Variants in CACNA1C observed in about 807,000 individuals in gnomAD.
CACNA1C encodes the protein voltage-dependent L-type calcium channel subunit alpha-1C.
CACNA1C carries 30 observed loss-of-function variants against 229.0 expected under a neutral mutation model. The ratio of observed to expected loss-of-function variants is 0.13; its 90% CI spans 0.10 to 0.18. The LOEUF is 0.18. Ranked by LOEUF, CACNA1C falls within the 10% of genes least tolerant of loss-of-function variation. CACNA1C has a pLI of 1.00. For missense variants in CACNA1C, 1,658 were observed against 2,845.0 expected (o/e 0.58, Z 9.49); for synonymous variants, 1,114 against 1,132.5 (o/e 0.98, Z 0.33).
chr12:2,466,775 G>A (rs10848659), intron 5 of CACNA1C, among the ~76,000 whole-genome samples: 52,649 of 151,838 alleles, frequency 0.35, 10,467 homozygotes, highest in East Asian at 0.69. Flanking sequence ...TGCATCTGGG[G>A]CTTGAAGGGC....
At chr12:2,468,782 A>T (rs2099574247) in intron 5 of CACNA1C, among the ~76,000 whole-genome samples, 1 of 152,208 alleles carries the variant, frequency 6.6e-6, no homozygotes, top group African/African-American at 2.4e-5. Flanking sequence ...CGGTGAGGAG[A>T]CCAGGGATCT....
At chr12:2,377,401 C>A (rs893196820) in intron 3 of CACNA1C, among the ~76,000 whole-genome samples, 9 of 152,192 alleles carry the variant, frequency 5.9e-5, no homozygotes, top group Non-Finnish European at 1.3e-4. Context: ...CACCCAGCTG[C>A]AACAGCGCTG....
chr12:1,980,225 C>A (rs771224498), intron 1 of CACNA1C, among the ~76,000 whole-genome samples: 1 of 152,052 alleles, frequency 6.6e-6, no homozygotes, highest in African/African-American at 2.4e-5. Flanking sequence ...AAGTATCTAT[C>A]GATAGGAGAA....
At chr12:2,095,874 T>C (rs2073721741) in intron 1 of CACNA1C, among the ~76,000 whole-genome samples, 2 of 152,242 alleles carry the variant, frequency 1.3e-5, no homozygotes, top group South Asian at 4.1e-4. Context: ...TGTGCTTCTC[T>C]CTGCCTTGGT....
intron 9 of CACNA1C, among the ~76,000 whole-genome samples, chr12:2,519,904 T>G (rs1568187728): frequency 1.3e-5 from 2 of 152,204 alleles, no homozygotes; most frequent in Non-Finnish European, 2.9e-5. Flanking sequence ...GCCCCGTAAG[T>G]GTACAAATGC....
intron 3 of CACNA1C, among the ~76,000 whole-genome samples, chr12:2,163,000 A>C (rs779539029): frequency 6.6e-6 from 1 of 152,014 alleles, no homozygotes; most frequent in African/African-American, 2.4e-5. Context: ...GGAGTTCGAG[A>C]CCAGCCTGAC....
intron 3 of CACNA1C, among the ~76,000 whole-genome samples, chr12:2,426,949 T>C (rs374303935): frequency 1.3e-5 from 2 of 152,354 alleles, no homozygotes; most frequent in African/African-American, 4.8e-5. Context: ...CCATATTCTT[T>C]TGGTCAAAGC....
chr12:2,437,877 TGGTGGC>T (rs1366820966), intron 3 of CACNA1C, among the ~76,000 whole-genome samples: 7 of 149,574 alleles, frequency 4.7e-5, no homozygotes, highest in African/African-American at 1.5e-4. Flanking sequence ...GTGGTAATGG[TGGTGGC>T]GGTGGTGATG....
At chr12:2,004,775 T>C in intron 1 of CACNA1C, 3 of 269,686 alleles carry the variant, frequency 1.1e-5, no homozygotes, top group Non-Finnish European at 1.4e-5. Context: ...CCCCTTGGCA[T>C]ATCTTTTCTT....
intron 1 of CACNA1C, among the ~76,000 whole-genome samples, chr12:2,104,799 C>T (rs1325823449): frequency 2.0e-5 from 3 of 152,178 alleles, no homozygotes; most frequent in South Asian, 2.1e-4. Context: ...TGCTGATAGG[C>T]GCCTTAGTTC....
chr12:2,648,610 C>A, intron 31 of CACNA1C, 103 bp downstream of exon 31: 2 of 978,106 alleles, frequency 2.0e-6, no homozygotes, highest in Non-Finnish European at 3.3e-6. Flanking sequence ...CCCTGCCTGG[C>A]TCTCACTGCA....
At chr12:2,670,222 C>T (rs2096483500) in intron 38 of CACNA1C, among the ~76,000 whole-genome samples, 1 of 152,128 alleles carries the variant, frequency 6.6e-6, no homozygotes, top group South Asian at 2.1e-4. Context: ...AAGCAGTATG[C>T]TTCCTTCCCC....
At chr12:2,039,136 G>T (rs1459202351) in intron 1 of CACNA1C, among the ~76,000 whole-genome samples, 1 of 152,168 alleles carries the variant, frequency 6.6e-6, no homozygotes, top group Non-Finnish European at 1.5e-5. Flanking sequence ...AGACAAATAA[G>T]AGCTGAAACT....
At chr12:2,212,818 A>C (rs1259309672) in intron 3 of CACNA1C, among the ~76,000 whole-genome samples, 1 of 152,166 alleles carries the variant, frequency 6.6e-6, no homozygotes, top group Non-Finnish European at 1.5e-5. Context: ...TGGAGCTTAC[A>C]GTCTGGTGGG....
chr12:2,362,463 C>A (rs1319159930), intron 3 of CACNA1C, among the ~76,000 whole-genome samples: 1 of 152,152 alleles, frequency 6.6e-6, no homozygotes, highest in Non-Finnish European at 1.5e-5. Flanking sequence ...AGTCCTTCCT[C>A]CCCCATAGAC....
chr12:2,505,906 G>A (rs2099770691), intron 8 of CACNA1C, among the ~76,000 whole-genome samples: 1 of 152,122 alleles, frequency 6.6e-6, no homozygotes, highest in African/African-American at 2.4e-5. Context: ...GCTTTGCAGA[G>A]TCTTCCCTAA....
intron 3 of CACNA1C, among the ~76,000 whole-genome samples, chr12:2,236,050 C>A (rs1266488858): frequency 6.6e-6 from 1 of 152,192 alleles, no homozygotes; most frequent in African/African-American, 2.4e-5. Flanking sequence ...CTGGACCAGG[C>A]AGTTTGGCTT....
chr12:2,177,649 TTTC>T (rs1426832519), intron 3 of CACNA1C, among the ~76,000 whole-genome samples: 1 of 147,270 alleles, frequency 6.8e-6, no homozygotes, highest in African/African-American at 2.5e-5. Flanking sequence ...TCTTTCTTTC[TTTC>T]TTTTTCTTTC....
At chr12:2,555,867 G>C (rs568268442) in intron 10 of CACNA1C, among the ~76,000 whole-genome samples, 3 of 152,288 alleles carry the variant, frequency 2.0e-5, no homozygotes, top group African/African-American at 7.2e-5. Flanking sequence ...ACAGCTAGCT[G>C]TGTGCCGCGC....
Sources: allele counts gnomAD v4.1 joint callset (sites outside exome capture counted in the v4.1 genomes callset), GRCh38; gene constraint gnomAD v4.1.1; transcripts MANE v1.5; gene names NCBI Gene and HGNC (gene_info 2026-07-23, HGNC 2026-07-21).